Variants in ADGRL3 observed in about 807,000 individuals in gnomAD.
ADGRL3 encodes adhesion G protein-coupled receptor L3, also known as calcium-independent alpha-latrotoxin receptor 3.
A neutral mutation model predicts 153.5 loss-of-function variants in ADGRL3; 62 were observed. That is an observed-to-expected ratio of 0.40 (90% confidence interval 0.33 to 0.50). The LOEUF (loss-of-function observed/expected upper bound fraction) is 0.50. Ranked by LOEUF, ADGRL3 falls within the 20% of genes least tolerant of loss-of-function variation. ADGRL3 has a pLI of 0.47. For synonymous variants in ADGRL3, 710 were observed against 672.5 expected, an observed-to-expected ratio of 1.06 and a Z score of -0.86; for missense variants, 1,641 against 1,859.4, an observed-to-expected ratio of 0.88 and a Z score of 2.16.
chr4:61,735,173 A>G (rs1200278206), intron 8 of ADGRL3, among the ~76,000 whole-genome samples: 2 of 152,136 alleles, frequency 1.3e-5, no homozygotes, highest in East Asian at 3.9e-4. Flanking sequence ...AATACATCGC[A>G]TATATATAAT....
intron 2 of ADGRL3, among the ~76,000 whole-genome samples, chr4:61,446,089 A>C (rs1456876): frequency 0.93 from 141,835 of 152,180 alleles, 66,934 homozygotes; most frequent in East Asian, 1. Context: ...ACAAAATCAT[A>C]TAATGACATT....
chr4:61,245,082 C>A (rs1026640939), intron 1 of ADGRL3, among the ~76,000 whole-genome samples: 1 of 151,998 alleles, frequency 6.6e-6, no homozygotes, highest in Non-Finnish European at 1.5e-5. Flanking sequence ...GAGACAGCAT[C>A]TTGTGCATTC....
intron 21 of ADGRL3, among the ~76,000 whole-genome samples, chr4:62,022,426 T>A (rs985822376): frequency 6.6e-6 from 1 of 152,124 alleles, no homozygotes; most frequent in Admixed American, 6.6e-5. Context: ...ATTATCCAGA[T>A]GATAGAGCTA....
chr4:61,519,874 G>A (rs2098519597), intron 4 of ADGRL3, among the ~76,000 whole-genome samples: 2 of 152,012 alleles, frequency 1.3e-5, no homozygotes, highest in African/African-American at 4.8e-5. Flanking sequence ...AAAGAATAAA[G>A]GCTGATATTA....
At chr4:61,673,725 T>C (rs2095085579) in intron 5 of ADGRL3, among the ~76,000 whole-genome samples, 1 of 151,338 alleles carries the variant, frequency 6.6e-6, no homozygotes, top group South Asian at 2.1e-4. Context: ...ATCAATATTA[T>C]AATGTATCCT....
In ADGRL3 at chr4:61,821,689, A is replaced by G. The variant is rs571660420; in HGVS notation, c.1480+7800A>G. Among the ~76,000 whole-genome samples, 26 of 152,338 alleles carry G rather than the reference A, an allele frequency of 1.7e-4. No individual in the cohort carries two copies. The East Asian group carries it at 4.6e-3, about 27-fold the overall frequency. The stretch of plus-strand genomic sequence containing the variant: ...GCTAATTTTTCACATTTGAAAAATT[A>G]CAATTATTTTTACCTTTTTTCCCTC... On this transcript the variant is annotated intron_variant, in intron 9 of 26. Transcript: ENST00000683033.
chr4:61,295,269 G>A (rs1466505700), intron 1 of ADGRL3, among the ~76,000 whole-genome samples: 1 of 152,114 alleles, frequency 6.6e-6, no homozygotes, highest in Non-Finnish European at 1.5e-5. Context: ...CAAAGTACAA[G>A]AATAGTGATG....
rs577844184 is a variant in ADGRL3, at chr4:61,295,470, C to T, written c.-239-87654C>T. Among the ~76,000 whole-genome samples, 20 of 151,914 alleles carry T rather than the reference C, an allele frequency of 1.3e-4. No individual in the cohort carries two copies. The East Asian group carries it at 2.1e-3, about 16-fold the overall frequency. On this transcript the variant is annotated intron_variant, in intron 1 of 26. Transcript: ENST00000683033. The stretch of plus-strand genomic sequence containing the variant: ...GTCTTGGAACACAGTCCCTGTGAAT[C>T]GAGGGGGAATGCCTGTGTATATATA...
intron 4 of ADGRL3, among the ~76,000 whole-genome samples, chr4:61,558,637 G>A (rs957912534): frequency 6.6e-6 from 1 of 151,600 alleles, no homozygotes; most frequent in Non-Finnish European, 1.5e-5. Context: ...CTATCTGTCT[G>A]TCTGTCTGCC....
intron 1 of ADGRL3, among the ~76,000 whole-genome samples, chr4:61,316,828 A>G (rs997840466): frequency 6.6e-6 from 1 of 152,206 alleles, no homozygotes; most frequent in African/African-American, 2.4e-5. Flanking sequence ...TATTTTGCTA[A>G]CAACATGTTA....
Position 61,930,391 on chromosome 4 carries a change from T to G in ADGRL3, c.2113-4449T>G, listed in dbSNP as rs187097087. On this transcript the variant is annotated intron_variant, in intron 13 of 26. Coordinates refer to ENST00000683033, the MANE Select transcript of ADGRL3 (RefSeq NM_001387552.1). ...GTTTCTCATCATTCATTATTTTGTG[T>G]ATTCTTCCTGAGAAATCTTAAGCTA... 4.3e-3 allele frequency among the ~76,000 whole-genome samples: 660 copies of G among 152,292 alleles called. 11 individuals carry two copies. Among genetic ancestry groups the G allele is most frequent in the Middle Eastern group, 3.4e-3 (1 of 294 alleles).
chr4:61,958,377 GTTTCTTTCTTTCTTTCTTTC>G (rs3065141), intron 17 of ADGRL3, among the ~76,000 whole-genome samples: 19 of 148,054 alleles, frequency 1.3e-4, no homozygotes, highest in South Asian at 1.1e-3. Context: ...TGTTGTAAAG[GTTTCTTTCTTTCTTTCTTTC>G]TTTCTTTCTT....
At chr4:62,023,582 G>A (rs2099247668) in intron 21 of ADGRL3, among the ~76,000 whole-genome samples, 1 of 152,104 alleles carries the variant, frequency 6.6e-6, no homozygotes, top group African/African-American at 2.4e-5. Flanking sequence ...CTTATTTTAA[G>A]AAATTTCCAT....
At chr4:61,857,009 TTTCTTTCCTTCCTCCCTTCC>T (rs1353937579) in intron 9 of ADGRL3, among the ~76,000 whole-genome samples, 3 of 142,452 alleles carry the variant, frequency 2.1e-5, no homozygotes, top group Non-Finnish European at 4.6e-5. Context: ...TCTTTCTTTC[TTTCTTTCCTTCCTCCCTTCC>T]TTCCTTCCTT....
chr4:61,475,583 C>G (rs1422770952), intron 2 of ADGRL3, among the ~76,000 whole-genome samples: 1 of 152,048 alleles, frequency 6.6e-6, no homozygotes, highest in Admixed American at 6.6e-5. Context: ...GGTATGACTA[C>G]CCAGTGTAGA....
chr4:62,066,407 T>C (rs1204907872), intron 25 of ADGRL3, among the ~76,000 whole-genome samples: 1 of 152,084 alleles, frequency 6.6e-6, no homozygotes, highest in African/African-American at 2.4e-5. Context: ...TTAAAATATG[T>C]AAAGATGTGT....
At chr4:61,266,936 A>G (rs367832361) in intron 1 of ADGRL3, among the ~76,000 whole-genome samples, 2 of 151,636 alleles carry the variant, frequency 1.3e-5, no homozygotes, top group Non-Finnish European at 3.0e-5. Context: ...TCACTAATCA[A>G]TTTATTTTTG....
At chr4:61,752,180 A>T (rs2096765448) in intron 8 of ADGRL3, among the ~76,000 whole-genome samples, 1 of 152,214 alleles carries the variant, frequency 6.6e-6, no homozygotes, top group Non-Finnish European at 1.5e-5. Context: ...TGGGCTCTGT[A>T]ACCAAAAACA....
chr4:61,581,262 G>A (rs988451881), intron 4 of ADGRL3, among the ~76,000 whole-genome samples: 3 of 151,948 alleles, frequency 2.0e-5, no homozygotes, highest in Non-Finnish European at 4.4e-5. Context: ...GAGAGGGTGG[G>A]AAGAGCTGTT....
Sources: gnomAD v4.1 joint callset for allele counts (sites outside exome capture counted in the v4.1 genomes callset) on GRCh38, gnomAD v4.1.1 for gene constraint, MANE v1.5 for transcripts, NCBI Gene and HGNC (gene_info 2026-07-23, HGNC 2026-07-21) for gene names.